NFIB: variants seen among roughly 807,000 people sequenced by gnomAD.
The protein encoded by NFIB is nuclear factor 1 B-type.
Under a neutral mutation model 61.5 loss-of-function variants are expected in NFIB, and 11 were observed. The observed-to-expected ratio is 0.18, with a 90% CI of 0.11 to 0.30. NFIB has a LOEUF of 0.30. NFIB is among the 10% of genes least tolerant of loss of function. The pLI is 1.00. For missense variants in NFIB, 471 were observed against 608.9 expected, an observed-to-expected ratio of 0.77 and a Z score of 2.38; for synonymous variants, 260 against 216.5, an observed-to-expected ratio of 1.20 and a Z score of -1.76.
chr9:14,234,709 TA>T lies in NFIB; in HGVS notation c.563-54930del, dbSNP rs548914554. Among the ~76,000 whole-genome samples, 52 of 152,232 alleles carry T rather than the reference TA, an allele frequency of 3.4e-4. 1 individual carries two copies. The highest frequency in any genetic ancestry group is 1.2e-3 in the African/African-American group (51 of 41,552). Reference sequence around the variant, plus strand: ...TTAGTTATGCTTTGTAAAACTAGCATATTTTTAATTTAATTTACATCAATTT... The same window carrying T: ...TTAGTTATGCTTTGTAAAACTAGCATTTTTTAATTTAATTTACATCAATTT... On this transcript the variant is annotated intron_variant, in intron 2 of 10. Coordinates refer to ENST00000380953, the MANE Select transcript of NFIB (RefSeq NM_001190737.2).
chr9:14,498,417 T>G, the NFIB span, among the ~76,000 whole-genome samples: 12 of 152,170 alleles, frequency 7.9e-5, no homozygotes, highest in Non-Finnish European at 1.3e-4. Context: ...CTGGGTAGCG[T>G]GGACAACCAG....
chr9:14,507,382 T>A, the NFIB span, among the ~76,000 whole-genome samples: 2 of 152,248 alleles, frequency 1.3e-5, no homozygotes, highest in Admixed American at 6.5e-5. Context: ...AACACGACAG[T>A]TGATTATTTT....
intron 2 of NFIB, chr9:14,204,437 C>T (rs2049401782): frequency 2.7e-6 from 3 of 1,127,816 alleles, no homozygotes; most frequent in Middle Eastern, 2.8e-4. Context: ...TAGCAGGTTG[C>T]AGCGGCAGAG....
At chr9:14,495,138 C>T in the NFIB span, among the ~76,000 whole-genome samples, 9 of 152,166 alleles carry the variant, frequency 5.9e-5, no homozygotes, top group East Asian at 1.5e-3. Context: ...CTATTCACAG[C>T]GTTCCTGTTT....
chr9:14,218,722 C>T (rs2051251770), intron 2 of NFIB, among the ~76,000 whole-genome samples: 1 of 152,178 alleles, frequency 6.6e-6, no homozygotes, highest in South Asian at 2.1e-4. Context: ...ACTCTTTTCC[C>T]CAGGAGCTGA....
At chr9:14,416,892 CTTTTTT>C in the NFIB span, among the ~76,000 whole-genome samples, 1 of 126,930 alleles carries the variant, frequency 7.9e-6, no homozygotes, top group African/African-American at 3.3e-5. Flanking sequence ...ACTATTTTTA[CTTTTTT>C]TTTTTTTTTT....
chr9:14,167,685 C>T (rs1305771577), intron 3 of NFIB, among the ~76,000 whole-genome samples: 1 of 152,066 alleles, frequency 6.6e-6, no homozygotes, highest in Non-Finnish European at 1.5e-5. Context: ...ATTTCCACAG[C>T]ACAAAAAGAA....
chr9:14,088,985 C>T (rs2033355446), intron 10 of NFIB, among the ~76,000 whole-genome samples: 1 of 152,078 alleles, frequency 6.6e-6, no homozygotes, highest in Non-Finnish European at 1.5e-5. Flanking sequence ...CAAAATGGAA[C>T]ACAGCTTTTT....
At chr9:14,505,936 T>C in the NFIB span, among the ~76,000 whole-genome samples, 2 of 152,194 alleles carry the variant, frequency 1.3e-5, no homozygotes, top group African/African-American at 4.8e-5. Flanking sequence ...TTTGAGCCAC[T>C]CTACTAGAAG....
chr9:14,343,055 G>A (rs903339914), intron 1 of NFIB, among the ~76,000 whole-genome samples: 1 of 151,980 alleles, frequency 6.6e-6, no homozygotes, highest in Non-Finnish European at 1.5e-5. Context: ...TGGCCGGGGG[G>A]GTAGGGGAGT....
At chr9:14,180,258 A>G (rs2046619197) in intron 2 of NFIB, among the ~76,000 whole-genome samples, 1 of 152,240 alleles carries the variant, frequency 6.6e-6, no homozygotes, top group Non-Finnish European at 1.5e-5. Flanking sequence ...ACAAGTACAC[A>G]TACCCACTCC....
At chr9:14,323,343 C>A (rs886297205) in intron 1 of NFIB, among the ~76,000 whole-genome samples, 4 of 152,004 alleles carry the variant, frequency 2.6e-5, no homozygotes, top group African/African-American at 9.7e-5. Context: ...TTTTGATCAG[C>A]ATTTTGGAAA....
chr9:14,325,766 T>C (rs2060744783), intron 1 of NFIB, among the ~76,000 whole-genome samples: 1 of 152,090 alleles, frequency 6.6e-6, no homozygotes, highest in African/African-American at 2.4e-5. Flanking sequence ...TAGTGGCATA[T>C]TTAGGATGCA....
At position 14,096,793 on chromosome 9, in the gene NFIB, G is replaced by A. The variant is rs1004481319; in HGVS notation, c.1468-8467C>T. The A allele has an allele frequency of 2.0e-5, 3 of 152,284 alleles. No individual in the cohort carries two copies. The East Asian group carries it at 5.8e-4, about 29-fold the overall frequency. The allele number at this position is 152,284 out of a possible 1,614,324, so 9.4% of individuals were successfully genotyped here. ...TTTCTTTCTCTCAAGTACGCTTCAA[G>A]TATGGAGCATGGTTAATTTAGAGAT... On this transcript the variant is annotated intron_variant, in intron 10 of 10. Coordinates refer to ENST00000380953, the MANE Select transcript of NFIB (RefSeq NM_001190737.2).
rs566649457 is a variant in NFIB at position 14,359,799 on chromosome 9, A to G, written c.108+38725T>C. ...GGTGGTTCCATCTTTGCTACTAGAT[A>G]TACCTATGAATGAAAGCAGCGCAGA... is the stretch of plus-strand genomic sequence containing the variant. On this transcript the variant is annotated intron_variant, in intron 1 of 8. Transcript: ENST00000380934. 5.9e-5 allele frequency among the ~76,000 whole-genome samples: 9 copies of G among 152,254 alleles called. No individual in the cohort carries two copies. In the South Asian group the frequency reaches 1.9e-3, roughly 32 times the overall value.
chr9:14,456,678 G>A, the NFIB span, among the ~76,000 whole-genome samples: 3 of 152,102 alleles, frequency 2.0e-5, no homozygotes, highest in African/African-American at 7.2e-5. Flanking sequence ...TCAGCTATTA[G>A]ATTGCAGAGA....
intron 1 of NFIB, among the ~76,000 whole-genome samples, chr9:14,328,145 C>G (rs979229305): frequency 6.6e-5 from 10 of 152,056 alleles, no homozygotes; most frequent in Non-Finnish European, 1.5e-5. Context: ...TGAATTGCTC[C>G]CCGCCTTTTT....
At chr9:14,229,093 A>G (rs893232429) in intron 2 of NFIB, among the ~76,000 whole-genome samples, 13 of 152,104 alleles carry the variant, frequency 8.5e-5, no homozygotes, top group Admixed American at 5.9e-4. Context: ...AGTGCCCTAA[A>G]TATCACAGGA....
At chr9:14,210,741 TTTTAA>T (rs1377295546) in intron 2 of NFIB, among the ~76,000 whole-genome samples, 1 of 152,086 alleles carries the variant, frequency 6.6e-6, no homozygotes, top group Non-Finnish European at 1.5e-5. Flanking sequence ...TCATTCACTG[TTTTAA>T]TTTGTTTTGA....
Sources: gnomAD v4.1 joint callset for allele counts (sites outside exome capture counted in the v4.1 genomes callset) on GRCh38, gnomAD v4.1.1 for gene constraint, MANE v1.5 for transcripts, NCBI Gene and HGNC (gene_info 2026-07-23, HGNC 2026-07-21) for gene names.